TET3: variants seen among roughly 807,000 people sequenced by gnomAD.
TET3 encodes the protein methylcytosine dioxygenase TET3.
A neutral mutation model predicts 141.4 loss-of-function variants in TET3; 19 were observed. The observed-to-expected ratio is 0.13, with a 90% CI of 0.09 to 0.20. The LOEUF (loss-of-function observed/expected upper bound fraction) is 0.20. TET3 is among the 10% of genes least tolerant of loss of function. The pLI is 1.00. For missense variants in TET3, 1,874 were observed against 2,356.9 expected (o/e 0.80, Z 4.24); for synonymous variants, 1,043 against 980.9 (o/e 1.06, Z -1.18).
chr2:74,130,030 G>A, the TET3 span, among the ~76,000 whole-genome samples: 4 of 151,518 alleles, frequency 2.6e-5, no homozygotes, highest in Non-Finnish European at 5.9e-5. Flanking sequence ...GGGAGGCAGA[G>A]GTTGCAGTGA....
intron 3 of TET3, among the ~76,000 whole-genome samples, chr2:74,042,954 C>A (rs532365747): frequency 7.0e-4 from 106 of 152,326 alleles, no homozygotes; most frequent in Non-Finnish European, 1.2e-3. Flanking sequence ...GGAGCATTTT[C>A]CTTCCCAGGG....
the TET3 span, among the ~76,000 whole-genome samples, chr2:74,131,420 T>C: frequency 6.6e-6 from 1 of 152,172 alleles, no homozygotes; most frequent in East Asian, 1.9e-4. Context: ...TTTCCCACTC[T>C]GGATTCCCAA....
intron 3 of TET3, among the ~76,000 whole-genome samples, chr2:74,022,430 G>GT (rs943781426): frequency 2.7e-5 from 4 of 146,208 alleles, no homozygotes; most frequent in Non-Finnish European, 4.5e-5. Flanking sequence ...TTTGTTTTTT[G>GT]TTTTTTTGTT....
chr2:74,061,565 C>A (rs1433690060), intron 4 of TET3, among the ~76,000 whole-genome samples: 8 of 148,546 alleles, frequency 5.4e-5, no homozygotes, highest in South Asian at 2.2e-4. Flanking sequence ...CCCCTCACCT[C>A]CCGGACGGGG....
At chr2:73,999,238 G>A (rs1684732818) in intron 2 of TET3, among the ~76,000 whole-genome samples, 1 of 152,186 alleles carries the variant, frequency 6.6e-6, no homozygotes, top group Non-Finnish European at 1.5e-5. Flanking sequence ...CTGTGCTGCT[G>A]CAAGTGAGGG....
intron 3 of TET3, among the ~76,000 whole-genome samples, chr2:74,004,208 C>T (rs1051275232): frequency 6.6e-6 from 1 of 152,168 alleles, no homozygotes; most frequent in African/African-American, 2.4e-5. Flanking sequence ...CTCAGCCCAC[C>T]TGCCCCCTCA....
In TET3 at chr2:74,058,807, C is replaced by T. The variant is rs1200986950; in HGVS notation, c.2494+10396C>T. On this transcript the variant is annotated intron_variant, in intron 4 of 11. Coordinates refer to ENST00000409262, the MANE Select transcript of TET3 (RefSeq NM_001287491.2). The stretch of plus-strand genomic sequence containing the variant: ...CCCTAAAGCATAGGCTGGCAGCCTG[C>T]AGACCAAACCTGGCCCACACTCATG... Among the ~76,000 whole-genome samples, 5 of 152,056 alleles carry T rather than the reference C, an allele frequency of 3.3e-5. No individual in the cohort carries two copies. The East Asian group carries it at 9.7e-4, about 29-fold the overall frequency.
intron 4 of TET3, among the ~76,000 whole-genome samples, chr2:74,066,984 G>A (rs922928961): frequency 1.3e-5 from 2 of 152,122 alleles, no homozygotes; most frequent in Non-Finnish European, 2.9e-5. Context: ...GAGCCCAGAA[G>A]TTCTGGCATA....
Position 74,019,190 on chromosome 2 carries a change from G to C in TET3, c.360+16024G>C, listed in dbSNP as rs185220531. Among the ~76,000 whole-genome samples the C allele has an allele frequency of 7.3e-3, 1,105 of 152,334 alleles. 14 individuals are homozygous for C. Among genetic ancestry groups the C allele is most frequent in the African/African-American group, 0.025 (1,044 of 41,564 alleles). ...GAGGATCGCTGTAGCCCAGGAGTTG[G>C]AGGCTGCGGTGAGCTATGATCTGGC... On this transcript the variant is annotated intron_variant, in intron 3 of 11. Coordinates refer to ENST00000409262, the MANE Select transcript of TET3 (RefSeq NM_001287491.2).
At position 74,094,812 on chromosome 2, in the gene TET3, A is replaced by C. The variant is rs1454472166; in HGVS notation, c.3267+1146A>C. Among the ~76,000 whole-genome samples the C allele has an allele frequency of 6.6e-5, 10 of 152,290 alleles. No homozygotes were observed. The East Asian group carries it at 1.9e-3, about 29-fold the overall frequency. ...ATCTGGGTGAGTGTTGGTAACATGG[A>C]CCGAGATGTAAGTAACAGGGGAAGG... On this transcript the variant is annotated intron_variant, in intron 10 of 11. Transcript: ENST00000409262.
intron 6 of TET3, among the ~76,000 whole-genome samples, chr2:74,086,621 T>C (rs1394778786): frequency 6.6e-6 from 1 of 151,844 alleles, no homozygotes; most frequent in Non-Finnish European, 1.5e-5. Context: ...AGACCCTGTC[T>C]CTTAAAAAAT....
intron 3 of TET3, among the ~76,000 whole-genome samples, chr2:74,009,242 T>C (rs1685302616): frequency 1.3e-5 from 2 of 152,136 alleles, no homozygotes; most frequent in Non-Finnish European, 2.9e-5. Flanking sequence ...CTGGCCACTC[T>C]GCAGATGGGG....
chr2:74,034,192 A>G (rs937153544), intron 3 of TET3, among the ~76,000 whole-genome samples: 3 of 150,660 alleles, frequency 2.0e-5, no homozygotes, highest in Non-Finnish European at 4.4e-5. Context: ...CACCCCCAGT[A>G]TCTGTGAAAC....
the TET3 span, among the ~76,000 whole-genome samples, chr2:74,128,285 C>T: frequency 2.0e-5 from 3 of 152,070 alleles, no homozygotes; most frequent in Admixed American, 2.0e-4. Context: ...TTGTGACTTT[C>T]TTCTTTTGTA....
chr2:73,997,196 G>T (rs893604440), intron 2 of TET3, among the ~76,000 whole-genome samples: 1 of 152,248 alleles, frequency 6.6e-6, no homozygotes, highest in Non-Finnish European at 1.5e-5. Context: ...CCTAATTACT[G>T]CTGGGTGGGG....
intron 4 of TET3, among the ~76,000 whole-genome samples, chr2:74,068,633 ATTTGAAATTC>A (rs1456158648): frequency 6.6e-6 from 1 of 152,214 alleles, no homozygotes; most frequent in Non-Finnish European, 1.5e-5. Context: ...TTTTTGAGGA[ATTTGAAATTC>A]TTTGAAATTG....
At chr2:74,081,251 G>A (rs1689805870) in intron 6 of TET3, among the ~76,000 whole-genome samples, 1 of 152,224 alleles carries the variant, frequency 6.6e-6, no homozygotes. Context: ...CAGTCCACAG[G>A]GAGATCTTTA....
At chr2:73,990,700 G>A (rs1684279057) in intron 2 of TET3, among the ~76,000 whole-genome samples, 1 of 152,174 alleles carries the variant, frequency 6.6e-6, no homozygotes, top group African/African-American at 2.4e-5. Flanking sequence ...TCAGCCAACT[G>A]GATTTACATC....
At chr2:73,985,585 C>T (rs1003600379) in intron 1 of TET3, among the ~76,000 whole-genome samples, 22 of 150,566 alleles carry the variant, frequency 1.5e-4, no homozygotes, top group African/African-American at 5.1e-4. Context: ...GCCGGGGGCG[C>T]CGGGGCAGTC....
Sources: gnomAD v4.1 joint callset for allele counts (sites outside exome capture counted in the v4.1 genomes callset) on GRCh38, gnomAD v4.1.1 for gene constraint, MANE v1.5 for transcripts, NCBI Gene and HGNC (gene_info 2026-07-23, HGNC 2026-07-21) for gene names.